Variants in FGF1 observed in about 807,000 individuals in gnomAD.
FGF1 encodes the protein fibroblast growth factor 1.
Under a neutral mutation model 13.4 loss-of-function variants are expected in FGF1, and 9 were observed. That is an observed-to-expected ratio of 0.67 (90% CI 0.40 to 1.17). The LOEUF (loss-of-function observed/expected upper bound fraction) is 1.17. Among genes scored for constraint, FGF1 ranks in the 50% most tolerant of loss-of-function variants. The probability of loss-of-function intolerance (pLI) is 0.01; values close to 1 mark genes in which losing one functional copy is unlikely to be tolerated. For synonymous variants in FGF1, 93 were observed against 79.0 expected, an observed-to-expected ratio of 1.18 and a Z score of -0.94; for missense variants, 156 against 192.7, an observed-to-expected ratio of 0.81 and a Z score of 1.13.
chr5:142,693,052 T>C (rs562286875), intron 2 of FGF1, among the ~76,000 whole-genome samples: 1 of 151,886 alleles, frequency 6.6e-6, no homozygotes, highest in Non-Finnish European at 1.5e-5. Context: ...ATCTAAAATG[T>C]CTGTCCAGGA....
At chr5:142,655,346 A>T (rs1767974138) in intron 1 of FGF1, among the ~76,000 whole-genome samples, 1 of 152,194 alleles carries the variant, frequency 6.6e-6, no homozygotes, top group African/African-American at 2.4e-5. Context: ...ACCTGCTCCC[A>T]GCACACTCCC....
intron 1 of FGF1, among the ~76,000 whole-genome samples, chr5:142,682,364 A>C (rs954523132): frequency 6.6e-6 from 1 of 152,186 alleles, no homozygotes; most frequent in Non-Finnish European, 1.5e-5. Context: ...GATTACAGGC[A>C]TGAGCCATCG....
intron 1 of FGF1, among the ~76,000 whole-genome samples, chr5:142,617,297 G>A (rs780407165): frequency 6.6e-6 from 1 of 152,072 alleles, no homozygotes; most frequent in African/African-American, 2.4e-5. Context: ...CCTGGGAGAC[G>A]ACAGTTGCAG....
intron 1 of FGF1, among the ~76,000 whole-genome samples, chr5:142,661,441 T>C (rs1036965177): frequency 6.6e-6 from 1 of 152,272 alleles, no homozygotes; most frequent in African/African-American, 2.4e-5. Flanking sequence ...CTCAAGTAAT[T>C]AAGCATAGCG....
chr5:142,612,171 G>A (rs371724312), intron 2 of FGF1, among the ~76,000 whole-genome samples: 10 of 152,182 alleles, frequency 6.6e-5, no homozygotes, highest in African/African-American at 2.4e-4. Flanking sequence ...CTTTCTAGGG[G>A]CTCCTGACAT....
At chr5:142,629,807 G>T (rs532326112) in intron 1 of FGF1, among the ~76,000 whole-genome samples, 2 of 147,990 alleles carry the variant, frequency 1.4e-5, no homozygotes, top group Admixed American at 1.4e-4. Context: ...GTTAATCACA[G>T]ATATTTTTGC....
At chr5:142,670,195 A>T (rs2152025852) in intron 1 of FGF1, among the ~76,000 whole-genome samples, 1 of 152,218 alleles carries the variant, frequency 6.6e-6, no homozygotes, top group Admixed American at 6.5e-5. Flanking sequence ...GGAAGGCCAA[A>T]GTCCTTGGCC....
At position 142,593,001 on chromosome 5, in the gene FGF1, C is replaced by T. The variant is rs927361480; in HGVS notation, c.*2289G>A. On this transcript the variant is annotated 3_prime_UTR_variant, in exon 4 of 4. Coordinates refer to ENST00000337706, the MANE Select transcript of FGF1 (RefSeq NM_000800.5). ...AGTATCCAGTACAGTGCCTAGCACACAGTAGGCACCTTAATAGTCATTGAA... is the reference window on the plus strand; with the variant it reads ...AGTATCCAGTACAGTGCCTAGCACATAGTAGGCACCTTAATAGTCATTGAA... The T allele has an allele frequency of 2.0e-5, 3 of 152,256 alleles. No homozygotes were observed. The highest frequency in any genetic ancestry group is 7.2e-5 in the African/African-American group (3 of 41,450). The allele number at this position is 152,256 out of a possible 1,614,324, so 9.4% of individuals were successfully genotyped here.
chr5:142,626,099 A>T (rs962071691), intron 1 of FGF1, among the ~76,000 whole-genome samples: 5 of 152,208 alleles, frequency 3.3e-5, no homozygotes, highest in African/African-American at 1.2e-4. Flanking sequence ...TGTATGCCAG[A>T]TATGGTTCTA....
intron 1 of FGF1, among the ~76,000 whole-genome samples, chr5:142,637,898 G>A (rs1331620405): frequency 6.6e-6 from 1 of 152,066 alleles, no homozygotes; most frequent in Non-Finnish European, 1.5e-5. Flanking sequence ...GGGTGGACCA[G>A]CTGGCTCTCA....
chr5:142,667,785 C>G (rs1461739258), intron 1 of FGF1, among the ~76,000 whole-genome samples: 1 of 152,164 alleles, frequency 6.6e-6, no homozygotes, highest in African/African-American at 2.4e-5. Flanking sequence ...CTCCAGGCTC[C>G]CTGGGGCTAC....
intron 1 of FGF1, among the ~76,000 whole-genome samples, chr5:142,664,062 G>T (rs1769811036): frequency 6.6e-6 from 1 of 152,170 alleles, no homozygotes; most frequent in Non-Finnish European, 1.5e-5. Context: ...CTGCTGAAGG[G>T]GTCACCTGGC....
At chr5:142,669,936 A>G (rs899003794) in intron 1 of FGF1, among the ~76,000 whole-genome samples, 2 of 152,144 alleles carry the variant, frequency 1.3e-5, no homozygotes, top group African/African-American at 4.8e-5. Flanking sequence ...CACAGTCAGG[A>G]GGAGAGCCAA....
chr5:142,625,781 T>C (rs1440903437), intron 1 of FGF1, among the ~76,000 whole-genome samples: 1 of 152,242 alleles, frequency 6.6e-6, no homozygotes, highest in Non-Finnish European at 1.5e-5. Flanking sequence ...CAAAAATCTT[T>C]TGAATCTGTT....
chr5:142,637,405 C>T (rs192833527), intron 1 of FGF1, among the ~76,000 whole-genome samples: 12 of 151,692 alleles, frequency 7.9e-5, no homozygotes, highest in African/African-American at 9.7e-5. Context: ...CTGCAAGCTC[C>T]GCCTCCTGGA....
chr5:142,667,812 A>G (rs538166878), intron 1 of FGF1, among the ~76,000 whole-genome samples: 1 of 152,160 alleles, frequency 6.6e-6, no homozygotes, highest in South Asian at 2.1e-4. Flanking sequence ...CCTCATCCAC[A>G]TGCTGTCTTG....
intron 1 of FGF1, among the ~76,000 whole-genome samples, chr5:142,673,898 A>G (rs370422801): frequency 3.3e-4 from 50 of 152,186 alleles, no homozygotes; most frequent in African/African-American, 1.2e-3. Flanking sequence ...AACTTTTTGC[A>G]TGGCTCCAGG....
At position 142,592,952 on chromosome 5, in the gene FGF1, GC is replaced by G. The variant is rs1754559708; in HGVS notation, c.*2337del. On this transcript the variant is annotated 3_prime_UTR_variant, in exon 4 of 4. Coordinates refer to ENST00000337706, the MANE Select transcript of FGF1 (RefSeq NM_000800.5). The stretch of plus-strand genomic sequence containing the variant: ...TAATGCCCTGGGAGAAGATACAGCA[GC>G]AAACCAGACAGACAAGGTCCCCAGT... The G allele has an allele frequency of 6.6e-6, 1 of 152,296 alleles. No individual in the cohort carries two copies. The highest frequency in any genetic ancestry group is 6.5e-5 in the Admixed American group (1 of 15,274). The allele number at this position is 152,296 out of a possible 1,614,324, so 9.4% of individuals were successfully genotyped here.
At chr5:142,684,870 G>A (rs754809405) in intron 1 of FGF1, among the ~76,000 whole-genome samples, 4 of 148,520 alleles carry the variant, frequency 2.7e-5, no homozygotes, top group African/African-American at 4.9e-5. Flanking sequence ...GAGCTAACTC[G>A]TAAACAATCG....
Sources: allele counts gnomAD v4.1 joint callset (sites outside exome capture counted in the v4.1 genomes callset), GRCh38; gene constraint gnomAD v4.1.1; transcripts MANE v1.5; gene names NCBI Gene and HGNC (gene_info 2026-07-23, HGNC 2026-07-21).